Variants in STK3 observed in about 807,000 individuals in gnomAD.
STK3 encodes the protein serine/threonine-protein kinase 3.
Under a neutral mutation model 58.0 loss-of-function variants are expected in STK3, and 41 were observed. That is an observed-to-expected ratio of 0.71 (90% CI 0.55 to 0.92). STK3 has a LOEUF of 0.92. Ranked by LOEUF, STK3 falls within the 40% of genes least tolerant of loss-of-function variation. The pLI, the probability that STK3 is intolerant of heterozygous loss-of-function variation, is 0.00. For missense variants in STK3, 479 were observed against 602.7 expected (o/e 0.79, Z 2.15); for synonymous variants, 170 against 191.0 (o/e 0.89, Z 0.91).
chr8:98,711,843 A>G (rs1826481051), intron 4 of STK3, among the ~76,000 whole-genome samples: 1 of 152,188 alleles, frequency 6.6e-6, no homozygotes, highest in South Asian at 2.1e-4. Flanking sequence ...CAGATTCACC[A>G]AAGTTGAAAT....
At chr8:98,662,603 T>C (rs1020704449) in intron 6 of STK3, among the ~76,000 whole-genome samples, 1 of 152,158 alleles carries the variant, frequency 6.6e-6, no homozygotes, top group Non-Finnish European at 1.5e-5. Context: ...GCAAATGTGT[T>C]ATGAAGGCTT....
intron 1 of STK3, among the ~76,000 whole-genome samples, chr8:98,811,318 A>G (rs72668403): frequency 0.034 from 5,138 of 152,258 alleles, 114 homozygotes; most frequent in South Asian, 0.067. Flanking sequence ...CCTATCCACT[A>G]GAGCATAGGT....
chr8:98,374,444 C>T (rs1563586731), intron 2 of STK3, among the ~76,000 whole-genome samples: 1 of 152,222 alleles, frequency 6.6e-6, no homozygotes, highest in Non-Finnish European at 1.5e-5. Flanking sequence ...CAAACATTCA[C>T]CAGATAAGCC....
chr8:98,602,929 A>G (rs1816479464), intron 6 of STK3, among the ~76,000 whole-genome samples: 1 of 151,722 alleles, frequency 6.6e-6, no homozygotes, highest in South Asian at 2.1e-4. Flanking sequence ...ATCTAAAGAT[A>G]GTGGACACCT....
At chr8:98,678,618 T>TA (rs1171285855) in intron 6 of STK3, among the ~76,000 whole-genome samples, 1 of 152,092 alleles carries the variant, frequency 6.6e-6, no homozygotes, top group Non-Finnish European at 1.5e-5. Flanking sequence ...AACTTAAGGA[T>TA]ATGGGAAAGT....
At chr8:98,492,592 G>A (rs1822784530) in intron 10 of STK3, among the ~76,000 whole-genome samples, 1 of 152,042 alleles carries the variant, frequency 6.6e-6, no homozygotes, top group Non-Finnish European at 1.5e-5. Flanking sequence ...TAAAAATAGT[G>A]TTTTGTATTT....
chr8:98,344,909 A>AG, the STK3 span, among the ~76,000 whole-genome samples: 4 of 150,202 alleles, frequency 2.7e-5, no homozygotes, highest in African/African-American at 9.8e-5. Context: ...AAAAAAAAAA[A>AG]AAAAAAAAAG....
chr8:98,760,810 A>G (rs897048477), intron 3 of STK3, among the ~76,000 whole-genome samples: 1 of 151,606 alleles, frequency 6.6e-6, no homozygotes, highest in African/African-American at 2.4e-5. Context: ...AGCTCCCTAC[A>G]CTCTTTATCC....
At chr8:98,587,616 G>A (rs1054595744) in intron 7 of STK3, among the ~76,000 whole-genome samples, 11 of 152,166 alleles carry the variant, frequency 7.2e-5, no homozygotes, top group Middle Eastern at 3.4e-3. Context: ...TATTAGTTCC[G>A]CTTGGTGCAG....
chr8:98,733,884 G>A (rs1828381578), intron 4 of STK3, among the ~76,000 whole-genome samples: 1 of 152,122 alleles, frequency 6.6e-6, no homozygotes, highest in Non-Finnish European at 1.5e-5. Context: ...CTCTCACACT[G>A]CTATAAAGAA....
chr8:98,795,044 C>T lies in STK3; in HGVS notation c.27-20225G>A, dbSNP rs371667649. On this transcript the variant is annotated intron_variant, in intron 1 of 10. Coordinates refer to ENST00000419617, the MANE Select transcript of STK3 (RefSeq NM_006281.4). Reference sequence around the variant, plus strand: ...GATCGCGCCATTGCACTCCAGCCTGCGCAACAAGAGCCAGACAAGAGCAAA... The same window carrying T: ...GATCGCGCCATTGCACTCCAGCCTGTGCAACAAGAGCCAGACAAGAGCAAA... 8.9e-3 allele frequency among the ~76,000 whole-genome samples: 979 copies of T among 110,440 alleles called. 5 individuals carry two copies. Among genetic ancestry groups the T allele is most frequent in the African/African-American group, 0.034 (924 of 27,430 alleles). 72.5% of individuals were successfully genotyped at this position (110,440 alleles called of 152,430 possible).
chr8:98,655,354 A>T (rs1014685175), intron 6 of STK3, among the ~76,000 whole-genome samples: 3 of 152,376 alleles, frequency 2.0e-5, no homozygotes, highest in Middle Eastern at 3.4e-3. Flanking sequence ...TTAAAGACTT[A>T]CATGTTAGAC....
chr8:98,506,002 AG>A (rs1382456713), intron 10 of STK3, among the ~76,000 whole-genome samples: 1 of 152,186 alleles, frequency 6.6e-6, no homozygotes, highest in Non-Finnish European at 1.5e-5. Context: ...CTGCCCCCAG[AG>A]GTGGGGTCTA....
At chr8:98,442,574 G>A (rs1818737171) in intron 1 of STK3, among the ~76,000 whole-genome samples, 3 of 152,218 alleles carry the variant, frequency 2.0e-5, no homozygotes, top group Non-Finnish European at 4.4e-5. Context: ...CTGCATGTGT[G>A]CTGAAGCTGA....
chr8:98,621,873 A>C (rs1477045095), intron 6 of STK3, among the ~76,000 whole-genome samples: 2 of 152,098 alleles, frequency 1.3e-5, no homozygotes, highest in Non-Finnish European at 2.9e-5. Flanking sequence ...CAGATGATAC[A>C]GATTGTGGAC....
intron 1 of STK3, among the ~76,000 whole-genome samples, chr8:98,441,868 C>G (rs1473918669): frequency 6.6e-6 from 1 of 152,172 alleles, no homozygotes; most frequent in Non-Finnish European, 1.5e-5. Context: ...TCCATCCATG[C>G]CTCTGATTAC....
intron 8 of STK3, among the ~76,000 whole-genome samples, chr8:98,552,361 CTTAGAA>C (rs1403345349): frequency 6.6e-6 from 1 of 152,096 alleles, no homozygotes; most frequent in Non-Finnish European, 1.5e-5. Context: ...TCCTATCACA[CTTAGAA>C]TAAGATCCAA....
chr8:98,807,152 CAAA>C (rs1039866302), intron 1 of STK3, among the ~76,000 whole-genome samples: 2 of 55,226 alleles, frequency 3.6e-5, no homozygotes, highest in Non-Finnish European at 4.0e-5. Context: ...GACTCCGTCT[CAAA>C]AAAAAAAAAA....
intron 6 of STK3, among the ~76,000 whole-genome samples, chr8:98,650,685 A>G (rs1347569776): frequency 6.6e-6 from 1 of 152,202 alleles, no homozygotes; most frequent in Non-Finnish European, 1.5e-5. Context: ...CCAGGAGATT[A>G]TATCCCGCCC....
Sources: allele counts gnomAD v4.1 joint callset (sites outside exome capture counted in the v4.1 genomes callset), GRCh38; gene constraint gnomAD v4.1.1; transcripts MANE v1.5; gene names NCBI Gene and HGNC (gene_info 2026-07-23, HGNC 2026-07-21).